The following ADAMTS8 variants were observed in gnomAD, a reference collection of about 807,000 sequenced individuals.
ADAMTS8 encodes ADAM metallopeptidase with thrombospondin type 1 motif 8.
Under a neutral mutation model 64.4 loss-of-function variants are expected in ADAMTS8, and 50 were observed. The ratio of observed to expected loss-of-function variants is 0.78; its 90% CI spans 0.62 to 0.98. The LOEUF is 0.98. ADAMTS8 is among the 50% of genes least tolerant of loss of function. The probability of loss-of-function intolerance (pLI) is 0.00; values close to 1 mark genes in which losing one functional copy is unlikely to be tolerated. For synonymous variants in ADAMTS8, 556 were observed against 533.6 expected (o/e 1.04, Z -0.58); for missense variants, 1,192 against 1,208.2 (o/e 0.99, Z 0.20).
At chr11:130,410,193 C>T (rs1861935464) in intron 6 of ADAMTS8, among the ~76,000 whole-genome samples, 1 of 152,212 alleles carries the variant, frequency 6.6e-6, no homozygotes. Flanking sequence ...CCGAGCGCCT[C>T]ACCAACCTAG....
At position 130,406,890 on chromosome 11, in the gene ADAMTS8, C is replaced by T. The variant is rs528432471; in HGVS notation, c.2100-762G>A. On this transcript the variant is annotated intron_variant, in intron 8 of 8. Transcript: ENST00000257359. ...TCCATAGGCTGGGGAGAAAGTGAGG[C>T]GAGTGGTCAGGCGGGCTTTTTGCTT... Among the ~76,000 whole-genome samples, 10 of 152,180 alleles carry T rather than the reference C, an allele frequency of 6.6e-5. No individual in the cohort carries two copies. In the South Asian group the frequency reaches 1.5e-3, roughly 22 times the overall value.
Position 130,405,014 on chromosome 11 carries a change from G to A in ADAMTS8, c.*544C>T. The stretch of plus-strand genomic sequence containing the variant: ...GCAGGTGGCAGCCTGAGAACATGTG[G>A]CTCTCCAAACCCTGCGACGCTGCGG... On this transcript the variant is annotated 3_prime_UTR_variant, in exon 9 of 9. Coordinates refer to ENST00000257359, the MANE Select transcript of ADAMTS8 (RefSeq NM_007037.6). 1 of 986,696 alleles carries A rather than the reference G, an allele frequency of 1.0e-6. No individual in the cohort carries two copies. Among genetic ancestry groups the A allele is most frequent in the Non-Finnish European group, 1.2e-6 (1 of 830,620 alleles). The allele number at this position is 986,696 out of a possible 1,614,324, so 61.1% of individuals were successfully genotyped here. A position where few individuals can be genotyped will look rare whatever the true frequency, so the allele number is the denominator to read the frequency against.
chr11:130,427,154 G>C (rs1862177326), intron 1 of ADAMTS8, among the ~76,000 whole-genome samples: 1 of 152,278 alleles, frequency 6.6e-6, no homozygotes, highest in Non-Finnish European at 1.5e-5. Flanking sequence ...TCTGGAGGCA[G>C]TAGAGGGCTG....
chr11:130,409,641 A>G (rs1209354485), intron 6 of ADAMTS8, among the ~76,000 whole-genome samples: 8 of 152,134 alleles, frequency 5.3e-5, no homozygotes, highest in African/African-American at 1.7e-4. Context: ...ATTTAAAACG[A>G]TGGCATCCCA....
chr11:130,419,088 C>G lies in ADAMTS8; in HGVS notation c.925G>C (p.Glu309Gln), dbSNP rs1862064979. The G allele has an allele frequency of 1.2e-6, 2 of 1,614,158 alleles. No individual in the cohort carries two copies. Among genetic ancestry groups the G allele is most frequent in the East Asian group, 4.5e-5 (2 of 44,878 alleles). The change falls in exon 2 of 9, where the codon GAG (glutamate) becomes CAG (glutamine). Residue 309 changes from glutamate to glutamine, a missense_variant. Physicochemically the swap from Glu to Gln is conservative, Grantham distance 29. Coordinates refer to ENST00000257359, the MANE Select transcript of ADAMTS8 (RefSeq NM_007037.6). ...RFNQPSDRHP[E>Q]HYDTAILLTR... ...AGCAGGATGGCCGTGTCGTAGTGCT[C>G]TGGGTGGCGGTCGCTGGGCTGGTTG...
rs373215064 is a variant in ADAMTS8, at chr11:130,408,909, C to T, written c.1782G>A (p.Lys594=). The T allele has an allele frequency of 6.3e-7, 1 of 1,583,066 alleles. No individual in the cohort carries two copies. The highest frequency in any genetic ancestry group is 8.6e-7 in the Non-Finnish European group (1 of 1,163,734). The change falls in exon 7 of 9, where the codon AAG becomes AAA. Residue 594 remains lysine, a synonymous_variant. Coordinates refer to ENST00000257359, the MANE Select transcript of ADAMTS8 (RefSeq NM_007037.6). The part of the protein sequence containing the change: ...GKSFREQQCE[K]YNAYNYTDMD... ...TGTCAGTGTAATTGTAGGCATTATA[C>T]TTCTCACACTGCTGCTCCCTGAAGC...
In ADAMTS8 at chr11:130,416,149, C is replaced by T. The variant is rs751182966; in HGVS notation, c.1264+14G>A. The T allele has an allele frequency of 6.4e-6, 10 of 1,556,812 alleles. No individual in the cohort carries two copies. Among genetic ancestry groups the T allele is most frequent in the Admixed American group, 1.8e-5 (1 of 55,038 alleles). ...GCCCACGGGGACAAGTAGGGCGGGG[C>T]CGCCGGTGCCTACCGTGCCCGCCGT... On this transcript the variant is annotated intron_variant, in intron 4 of 8. Coordinates refer to ENST00000257359, the MANE Select transcript of ADAMTS8 (RefSeq NM_007037.6). This position sits in a 1 kb window ranked among gnomAD's most constrained non-coding sequence, Gnocchi z 4.8.
chr11:130,417,056 C>T lies in ADAMTS8; in HGVS notation c.980G>A (p.Gly327Glu). 1 of 1,613,924 alleles carries T rather than the reference C, an allele frequency of 6.2e-7. No individual in the cohort carries two copies. Among genetic ancestry groups the T allele is most frequent in the Non-Finnish European group, 8.5e-7 (1 of 1,180,012 alleles). ...TGCCACACCCAGGGTGTCACACAGC[C>T]CCTCCTGCCCACAGAAGTTCTGCGT... ...LTRQNFCGQEGLCDTLGVADI... is the reference protein window; with the variant it reads ...LTRQNFCGQEELCDTLGVADI... Residue 327 changes from glycine to glutamate, a missense_variant, in exon 3 of 9, where the codon GGG (glycine) becomes GAG (glutamate). Gly to Glu is a moderately conservative substitution (Grantham distance 98, BLOSUM62 -2). This residue lies in a region of ADAMTS8 where 741 missense variants were observed against 710.6 expected (regional missense o/e 1.04). Transcript: ENST00000257359.
At chr11:130,421,282 C>T (rs1028696227) in intron 1 of ADAMTS8, among the ~76,000 whole-genome samples, 1 of 152,148 alleles carries the variant, frequency 6.6e-6, no homozygotes, top group African/African-American at 2.4e-5. Flanking sequence ...GAGGGTTAAC[C>T]CCTGATTTTC....
intron 8 of ADAMTS8, among the ~76,000 whole-genome samples, chr11:130,407,004 G>A (rs990399979): frequency 6.6e-6 from 1 of 152,168 alleles, no homozygotes; most frequent in African/African-American, 2.4e-5. Flanking sequence ...CTGAGGGAAA[G>A]TGGCCAAGGG....
rs116971910 is a variant in ADAMTS8, at chr11:130,423,358, A to G, written c.721-4066T>C. On this transcript the variant is annotated intron_variant, in intron 1 of 8. Transcript: ENST00000257359. ...CCAATGGGAAGGACATCACGCACATATAACACTTGTCTTTCTCCCTGGTAG... is the reference window on the plus strand; with the variant it reads ...CCAATGGGAAGGACATCACGCACATGTAACACTTGTCTTTCTCCCTGGTAG... Among the ~76,000 whole-genome samples, 552 of 152,366 alleles carry G rather than the reference A, an allele frequency of 3.6e-3. 2 individuals carry two copies. The highest frequency in any genetic ancestry group is 5.6e-3 in the Non-Finnish European group (381 of 68,042).
rs977360652 is a variant in ADAMTS8, at chr11:130,404,970, T to C, written c.*588A>G. ...TTCAGAGACACATTTGCATAAATAC[T>C]TGAAATGGATCCACCCCTGCAGGTG... On this transcript the variant is annotated 3_prime_UTR_variant, in exon 9 of 9. Coordinates refer to ENST00000257359, the MANE Select transcript of ADAMTS8 (RefSeq NM_007037.6). 2.3e-5 allele frequency: 23 copies of C among 985,446 alleles called. No homozygotes were observed. The highest frequency in any genetic ancestry group is 2.7e-5 in the Non-Finnish European group (22 of 829,494). 61.0% of individuals were successfully genotyped at this position (985,446 alleles called of 1,614,324 possible).
At chr11:130,417,208 TG>T (rs1243355600) in intron 2 of ADAMTS8, 133 bp from the exon 3 acceptor site, 4 of 866,106 alleles carry the variant, frequency 4.6e-6, no homozygotes, top group Non-Finnish European at 6.8e-6. Context: ...TTTGCTGGCC[TG>T]TGCATCACCT....
At chr11:130,410,958 A>T (rs1861944476) in intron 6 of ADAMTS8, among the ~76,000 whole-genome samples, 1 of 152,144 alleles carries the variant, frequency 6.6e-6, no homozygotes, top group African/African-American at 2.4e-5. Context: ...AATTTTGGCT[A>T]GAAAGACCTT....
intron 8 of ADAMTS8, among the ~76,000 whole-genome samples, chr11:130,406,927 T>G (rs1316708260): frequency 6.6e-6 from 1 of 152,200 alleles, no homozygotes; most frequent in African/African-American, 2.4e-5. Context: ...TCTTACCATA[T>G]GTCCAGCTGG....
intron 1 of ADAMTS8, 62 bp from the exon 2 acceptor site, chr11:130,419,354 G>T (rs1186942572): frequency 2.3e-5 from 37 of 1,600,928 alleles, no homozygotes; most frequent in Non-Finnish European, 2.9e-5. Flanking sequence ...CCTTGGCCTG[G>T]CCTGTCCGCT....
intron 4 of ADAMTS8, among the ~76,000 whole-genome samples, chr11:130,415,955 T>C (rs894816968): frequency 2.6e-5 from 4 of 152,224 alleles, no homozygotes; most frequent in Non-Finnish European, 5.9e-5. Flanking sequence ...GCCTTGTGAC[T>C]AATCTAAATT....
intron 2 of ADAMTS8, among the ~76,000 whole-genome samples, chr11:130,417,985 G>A (rs569936422): frequency 1.7e-5 from 2 of 119,752 alleles, no homozygotes; most frequent in Admixed American, 9.8e-5. Context: ...GCAATATAGT[G>A]AAACCCCATT....
chr11:130,409,782 C>T (rs956796389), intron 6 of ADAMTS8, among the ~76,000 whole-genome samples: 11 of 152,206 alleles, frequency 7.2e-5, no homozygotes, highest in African/African-American at 2.4e-4. Context: ...ACCCCCAAAT[C>T]CTAAAATTAA....
Sources: allele counts gnomAD v4.1 joint callset (sites outside exome capture counted in the v4.1 genomes callset), GRCh38; gene constraint gnomAD v4.1.1; regional missense constraint gnomAD v4.1.1; non-coding constraint Gnocchi (gnomAD v3.1); transcripts MANE v1.5; gene names NCBI Gene and HGNC (gene_info 2026-07-23, HGNC 2026-07-21).